Variants in C5orf47 observed in about 807,000 individuals in gnomAD.
C5orf47 encodes chromosome 5 open reading frame 47.
C5orf47 carries 20 observed loss-of-function variants against 20.6 expected under a neutral mutation model. The ratio of observed to expected loss-of-function variants is 0.97; its 90% CI spans 0.68 to 1.41. The LOEUF is 1.41. C5orf47 is among the 40% of genes most tolerant of loss of function. The probability of loss-of-function intolerance (pLI) is 0.00; values close to 1 mark genes in which losing one functional copy is unlikely to be tolerated. For missense variants in C5orf47, 262 were observed against 238.4 expected (o/e 1.10, Z -0.65); for synonymous variants, 106 against 97.3 (o/e 1.09, Z -0.53).
In C5orf47 at chr5:174,001,564, C is replaced by T. The variant is rs72814728; in HGVS notation, c.*16+333C>T. Among the ~76,000 whole-genome samples, 1,391 of 152,006 alleles carry T rather than the reference C, an allele frequency of 9.2e-3. 6 individuals are homozygous for T. Among genetic ancestry groups the T allele is most frequent in the Middle Eastern group, 0.021 (6 of 292 alleles). ...TCTGAGGGCAGAATCTTCTTCTTTT[C>T]GTTTATACCTCTACTTAGTCCTCTT... On this transcript the variant is annotated intron_variant, in intron 4 of 4. Coordinates refer to ENST00000340147, the MANE Select transcript of C5orf47 (RefSeq NM_001144954.2).
Position 173,998,232 on chromosome 5 carries a change from GA to G in C5orf47, c.410del (p.Lys137ArgfsTer3). Reference sequence around the variant, plus strand: ...AAGCTTCCAAAATAATGAAGAAAAAGAAAAAGGTATATTGCTGTAAAGGAGA... The same window carrying G: ...AAGCTTCCAAAATAATGAAGAAAAAGAAAAGGTATATTGCTGTAAAGGAGA... ...NEASKIMKKK[K>X]KVLVWNRVYK... On this transcript the variant is annotated frameshift_variant, in exon 2 of 5. Transcript: ENST00000340147. LOFTEE classifies it high-confidence loss of function. 2 of 1,503,710 alleles carry G rather than the reference GA, an allele frequency of 1.3e-6. No homozygotes were observed. Among genetic ancestry groups the G allele is most frequent in the Non-Finnish European group, 1.8e-6 (2 of 1,109,640 alleles). 93.1% of individuals were successfully genotyped at this position (1,503,710 alleles called of 1,614,324 possible). A position where few individuals can be genotyped will look rare whatever the true frequency, so the allele number is the denominator to read the frequency against.
intron 1 of C5orf47, among the ~76,000 whole-genome samples, chr5:173,991,791 G>A (rs1331658240): frequency 2.0e-5 from 3 of 152,102 alleles, no homozygotes; most frequent in African/African-American, 7.2e-5. Context: ...CCTTTATCTG[G>A]TTTAGGTATC....
intron 1 of C5orf47, among the ~76,000 whole-genome samples, chr5:173,993,512 G>A (rs1337333853): frequency 6.6e-6 from 1 of 152,054 alleles, no homozygotes; most frequent in Non-Finnish European, 1.5e-5. Context: ...GTGGTGGTGC[G>A]CGCCTGCTGT....
Position 173,989,517 on chromosome 5 carries a change from C to T in C5orf47, c.254C>T (p.Ala85Val), listed in dbSNP as rs1328517320. 1.3e-6 allele frequency: 2 copies of T among 1,535,460 alleles called. No homozygotes were observed. The highest frequency in any genetic ancestry group is 1.7e-4 in the Middle Eastern group (1 of 5,958). The change falls in exon 1 of 5, where the codon GCT becomes GTT. Residue 85 changes from alanine (A) to valine (V), a missense_variant. Coordinates refer to ENST00000340147, the MANE Select transcript of C5orf47 (RefSeq NM_001144954.2). ...LRVPTTPGVE[A>V]AASASSQLRA... ...GTCCCCACGACCCCTGGTGTGGAGG[C>T]TGCGGCCTCTGCCTCCTCCCAGCTG...
rs1309053275 is a variant in C5orf47 at position 173,989,473 on chromosome 5, C to T, written c.210C>T (p.Pro70=). The change falls in exon 1 of 5, where the codon CCC becomes CCT. Residue 70 remains proline, a synonymous_variant. Coordinates refer to ENST00000340147, the MANE Select transcript of C5orf47 (RefSeq NM_001144954.2). The part of the protein sequence containing the change: ...VAGVQGGSEL[P]LGSQLRVPTT... ...GCGTTCAGGGTGGCAGCGAGCTGCC[C>T]CTCGGTTCCCAGCTCAGGGTCCCCA... The T allele has an allele frequency of 1.3e-6, 2 of 1,548,902 alleles. No homozygotes were observed. Among genetic ancestry groups the T allele is most frequent in the South Asian group, 1.2e-5 (1 of 83,710 alleles).
chr5:173,998,481 G>A (rs1274157558), intron 2 of C5orf47, among the ~76,000 whole-genome samples: 1 of 152,146 alleles, frequency 6.6e-6, no homozygotes, highest in Non-Finnish European at 1.5e-5. Context: ...TTTAATCAAA[G>A]TGTAACCCCA....
downstream of C5orf47, among the ~76,000 whole-genome samples, chr5:174,009,495 G>A (rs371505354): frequency 2.8e-4 from 41 of 146,904 alleles, no homozygotes; most frequent in Middle Eastern, 0.011. Context: ...TGTCAACACC[G>A]CTTTAGCTGT....
chr5:174,009,229 C>T (rs1435663853), downstream of C5orf47, among the ~76,000 whole-genome samples: 5 of 152,132 alleles, frequency 3.3e-5, no homozygotes, highest in Non-Finnish European at 7.4e-5. Flanking sequence ...AAAAATAATC[C>T]TCCAGTGTCC....
intron 1 of C5orf47, among the ~76,000 whole-genome samples, chr5:173,991,336 C>G (rs1758993535): frequency 6.6e-6 from 1 of 152,146 alleles, no homozygotes; most frequent in Non-Finnish European, 1.5e-5. Context: ...GCTGATACCT[C>G]AAGGGCAATG....
In C5orf47 at chr5:173,989,237, G is replaced by T. The variant is rs1042848183; in HGVS notation, c.-27G>T. On this transcript the variant is annotated 5_prime_UTR_variant, in exon 1 of 5. Coordinates refer to ENST00000340147, the MANE Select transcript of C5orf47 (RefSeq NM_001144954.2). The stretch of plus-strand genomic sequence containing the variant: ...GCCTGTGGCGTCGTGTTTGCTGAGG[G>T]CCCGGCTGCCGTTGACTGAGGCTGC... 1 of 1,372,948 alleles carries T rather than the reference G, an allele frequency of 7.3e-7. No individual in the cohort carries two copies. 85.0% of individuals were successfully genotyped at this position (1,372,948 alleles called of 1,614,324 possible).
rs1295146893 is a variant in C5orf47, at chr5:173,989,207, C to G, written c.-57C>G. On this transcript the variant is annotated 5_prime_UTR_variant, in exon 1 of 5. Coordinates refer to ENST00000340147, the MANE Select transcript of C5orf47 (RefSeq NM_001144954.2). The stretch of plus-strand genomic sequence containing the variant: ...ATCCCTCGCCTGCACAGTGGGCAGT[C>G]TGGCGCCTGTGGCGTCGTGTTTGCT... The G allele has an allele frequency of 7.4e-7, 1 of 1,356,036 alleles. No homozygotes were observed. Among genetic ancestry groups the G allele is most frequent in the Non-Finnish European group, 9.5e-7 (1 of 1,054,934 alleles). The allele number at this position is 1,356,036 out of a possible 1,614,324, so 84.0% of individuals were successfully genotyped here. A position where few individuals can be genotyped will look rare whatever the true frequency, so the allele number is the denominator to read the frequency against.
rs1184419575 is a variant in C5orf47, at chr5:173,989,491, G to C, written c.228G>C (p.Arg76Ser). ...GSELPLGSQL[R>S]VPTTPGVEAA... ...AGCTGCCCCTCGGTTCCCAGCTCAG[G>C]GTCCCCACGACCCCTGGTGTGGAGG... The change falls in exon 1 of 5, where the codon AGG becomes AGC. Residue 76 changes from arginine to serine, a missense_variant. Transcript: ENST00000340147. 1.3e-6 allele frequency: 2 copies of C among 1,547,086 alleles called. No individual in the cohort carries two copies. The highest frequency in any genetic ancestry group is 3.9e-5 in the Admixed American group (2 of 50,700).
In C5orf47 at chr5:173,989,569, C is replaced by T. The variant is rs1403520810; in HGVS notation, c.306C>T (p.Thr102=). The change falls in exon 1 of 5, where the codon ACC becomes ACT. Residue 102 remains threonine (T), a synonymous_variant. Coordinates refer to ENST00000340147, the MANE Select transcript of C5orf47 (RefSeq NM_001144954.2). ...QLRASRVQSG[T]RQSARAGLIQ... ...GGGCATCGAGAGTTCAGAGCGGCACCAGACAGTCGGCGCGTGCAGGTGGTG... is the reference window on the plus strand; with the variant it reads ...GGGCATCGAGAGTTCAGAGCGGCACTAGACAGTCGGCGCGTGCAGGTGGTG... The T allele has an allele frequency of 2.8e-5, 42 of 1,476,568 alleles. No individual in the cohort carries two copies. Among genetic ancestry groups the T allele is most frequent in the Non-Finnish European group, 3.5e-5 (39 of 1,113,016 alleles). 91.5% of individuals were successfully genotyped at this position (1,476,568 alleles called of 1,614,324 possible).
At chr5:174,008,822 CAAAAAAA>C (rs57488841), downstream of C5orf47, among the ~76,000 whole-genome samples, 39 of 75,446 alleles carry the variant, frequency 5.2e-4, no homozygotes, top group African/African-American at 5.9e-4. Context: ...GACTCCATCT[CAAAAAAA>C]AAAAAAAAAA....
At chr5:174,007,397 C>T (rs1351578123), downstream of C5orf47, among the ~76,000 whole-genome samples, 1 of 152,168 alleles carries the variant, frequency 6.6e-6, no homozygotes, top group Non-Finnish European at 1.5e-5. Flanking sequence ...AGCTGCTTTG[C>T]TAGACAGTTG....
intron 1 of C5orf47, among the ~76,000 whole-genome samples, chr5:173,990,692 C>T (rs1172691801): frequency 1.4e-5 from 2 of 147,218 alleles, no homozygotes; most frequent in East Asian, 1.9e-4. Context: ...CCCGCCTCAG[C>T]CTCCCAAAGT....
chr5:173,996,507 A>G lies in C5orf47; in HGVS notation c.326-1646A>G, dbSNP rs145052179. On this transcript the variant is annotated intron_variant, in intron 1 of 4. Transcript: ENST00000340147. Reference sequence around the variant, plus strand: ...CATTTGGGAATGATGCAAATATAGTATTCCAAAGGTTGTAGGCATTTAGAG... The same window carrying G: ...CATTTGGGAATGATGCAAATATAGTGTTCCAAAGGTTGTAGGCATTTAGAG... Among the ~76,000 whole-genome samples the G allele has an allele frequency of 8.3e-4, 126 of 152,336 alleles. 1 individual carries two copies. The highest frequency in any genetic ancestry group is 3.0e-3 in the African/African-American group (123 of 41,586).
In C5orf47 at chr5:173,989,717, A is replaced by G. The variant is rs899164348; in HGVS notation, c.325+129A>G. 7 of 843,644 alleles carry G rather than the reference A, an allele frequency of 8.3e-6. No homozygotes were observed. In the African/African-American group the frequency reaches 1.1e-4, roughly 13 times the overall value. 52.3% of individuals were successfully genotyped at this position (843,644 alleles called of 1,614,324 possible). A position where few individuals can be genotyped will look rare whatever the true frequency, so the allele number is the denominator to read the frequency against. On this transcript the variant is annotated intron_variant, in intron 1 of 4. Coordinates refer to ENST00000340147, the MANE Select transcript of C5orf47 (RefSeq NM_001144954.2). ...AGCTTTCCTGTCAGGCCGTGTTGCGAGCACGCGCAGGGGCGAAGGAGAAGC... is the reference window on the plus strand; with the variant it reads ...AGCTTTCCTGTCAGGCCGTGTTGCGGGCACGCGCAGGGGCGAAGGAGAAGC...
chr5:174,004,836 A>C lies in C5orf47; in HGVS notation c.*582A>C, dbSNP rs1759259123. 1 of 152,172 alleles carries C rather than the reference A, an allele frequency of 6.6e-6. No individual in the cohort carries two copies. The highest frequency in any genetic ancestry group is 2.4e-5 in the African/African-American group (1 of 41,450). 9.4% of individuals were successfully genotyped at this position (152,172 alleles called of 1,614,324 possible). ...AAATTAGTAAATGTATGCATTTATA[A>C]TATGGATATATTATAATGGACTATA... On this transcript the variant is annotated 3_prime_UTR_variant, in exon 5 of 5. Coordinates refer to ENST00000340147, the MANE Select transcript of C5orf47 (RefSeq NM_001144954.2).
Sources: allele counts gnomAD v4.1 joint callset (sites outside exome capture counted in the v4.1 genomes callset), GRCh38; gene constraint gnomAD v4.1.1; transcripts MANE v1.5; gene names NCBI Gene and HGNC (gene_info 2026-07-23, HGNC 2026-07-21).